Variants in CDH12 observed in about 807,000 individuals in gnomAD.
CDH12 encodes cadherin 12, also known as cadherin-12.
Under a neutral mutation model 74.1 loss-of-function variants are expected in CDH12, and 41 were observed. The observed-to-expected ratio is 0.55, with a 90% CI of 0.43 to 0.72. CDH12 has a LOEUF of 0.72. CDH12 is among the 30% of genes least tolerant of loss of function. The pLI is 0.00. For synonymous variants in CDH12, 399 were observed against 355.0 expected (o/e 1.12, Z -1.39); for missense variants, 945 against 977.2 (o/e 0.97, Z 0.44).
chr5:22,341,702 C>T (rs1739857042), intron 3 of CDH12, among the ~76,000 whole-genome samples: 1 of 152,116 alleles, frequency 6.6e-6, no homozygotes, highest in Admixed American at 6.5e-5. Flanking sequence ...TTTAGTCATG[C>T]AGCTCTTACC....
At chr5:22,070,671 C>T (rs1435946802) in intron 5 of CDH12, among the ~76,000 whole-genome samples, 3 of 152,126 alleles carry the variant, frequency 2.0e-5, no homozygotes, top group Admixed American at 6.6e-5. Context: ...ACTGCATGAA[C>T]CAATTTCTTA....
At chr5:22,354,607 A>T (rs1740486363) in intron 3 of CDH12, among the ~76,000 whole-genome samples, 1 of 152,158 alleles carries the variant, frequency 6.6e-6, no homozygotes, top group Non-Finnish European at 1.5e-5. Context: ...ATACTGGAGG[A>T]TCTGCTGGGG....
chr5:22,239,618 G>C (rs1428427530), intron 3 of CDH12, among the ~76,000 whole-genome samples: 1 of 152,156 alleles, frequency 6.6e-6, no homozygotes, highest in Non-Finnish European at 1.5e-5. Context: ...TAGATGGATA[G>C]AGAGACATTT....
intron 1 of CDH12, among the ~76,000 whole-genome samples, chr5:22,735,584 T>C (rs1244175931): frequency 6.6e-6 from 1 of 151,974 alleles, no homozygotes; most frequent in Non-Finnish European, 1.5e-5. Flanking sequence ...TAGTTTTCTA[T>C]ACATGTGTGT....
intron 6 of CDH12, among the ~76,000 whole-genome samples, chr5:21,928,029 G>A (rs946507600): frequency 6.6e-6 from 1 of 151,840 alleles, no homozygotes; most frequent in African/African-American, 2.4e-5. Context: ...CCCAGATCTC[G>A]CCACTGTGCT....
intron 3 of CDH12, among the ~76,000 whole-genome samples, chr5:22,220,297 T>C (rs1396661173): frequency 6.6e-6 from 1 of 151,738 alleles, no homozygotes; most frequent in Non-Finnish European, 1.5e-5. Flanking sequence ...GTGCATTGCA[T>C]CATTATTTAT....
intron 3 of CDH12, among the ~76,000 whole-genome samples, chr5:22,326,168 A>G (rs1739087528): frequency 6.6e-6 from 1 of 152,088 alleles, no homozygotes. Context: ...GCAAAACAAA[A>G]TTCATTCTCT....
intron 4 of CDH12, among the ~76,000 whole-genome samples, chr5:22,112,158 TG>T (rs1360193123): frequency 1.3e-5 from 2 of 152,044 alleles, no homozygotes; most frequent in African/African-American, 2.4e-5. Context: ...ATTTTGTAAT[TG>T]AAAAAAAACA....
At chr5:22,693,513 T>C (rs1319964985) in intron 1 of CDH12, among the ~76,000 whole-genome samples, 1 of 152,130 alleles carries the variant, frequency 6.6e-6, no homozygotes, top group Admixed American at 6.6e-5. Flanking sequence ...CCATTTTGTG[T>C]GCCTTTTCTT....
chr5:21,783,568 C>G (rs1746036990), intron 10 of CDH12, 74 bp from the exon 11 acceptor site: 1 of 1,116,966 alleles, frequency 9.0e-7, no homozygotes, highest in Admixed American at 2.0e-5. Context: ...GCTAACTTGA[C>G]ACAGTTCCTT....
At chr5:22,079,581 TAA>T (rs1742577555) in intron 4 of CDH12, among the ~76,000 whole-genome samples, 2 of 152,160 alleles carry the variant, frequency 1.3e-5, no homozygotes, top group African/African-American at 4.8e-5. Flanking sequence ...AAATTTTCTT[TAA>T]AAATGTTTCT....
chr5:22,034,876 C>G (rs1452492642), intron 5 of CDH12, among the ~76,000 whole-genome samples: 1 of 152,014 alleles, frequency 6.6e-6, no homozygotes, highest in East Asian at 1.9e-4. Context: ...TTTTGATGTC[C>G]TGAATAAGCA....
chr5:22,245,606 C>A (rs1752918145), intron 3 of CDH12, among the ~76,000 whole-genome samples: 1 of 151,750 alleles, frequency 6.6e-6, no homozygotes, highest in Admixed American at 6.6e-5. Context: ...GAACTACAGA[C>A]TTAAATATAT....
intron 1 of CDH12, among the ~76,000 whole-genome samples, chr5:22,667,813 C>T (rs553990301): frequency 6.6e-6 from 1 of 152,312 alleles, no homozygotes; most frequent in East Asian, 1.9e-4. Flanking sequence ...GTCTGATTTA[C>T]ATATTGACAA....
chr5:22,391,353 G>A (rs564545998), intron 3 of CDH12, among the ~76,000 whole-genome samples: 70 of 152,296 alleles, frequency 4.6e-4, no homozygotes, highest in African/African-American at 1.6e-3. Context: ...ATTGTCATCT[G>A]TTAGTAATGC....
At position 21,802,435 on chromosome 5, in the gene CDH12, A is replaced by C; in HGVS notation, c.1003-15T>G. The C allele has an allele frequency of 6.2e-7, 1 of 1,604,172 alleles. No individual in the cohort carries two copies. Among genetic ancestry groups the C allele is most frequent in the Non-Finnish European group, 8.5e-7 (1 of 1,171,532 alleles). ...AAATCTAAAGGCTGTAGTGAGGACA[A>C]ATTAAGAATAAGGAGTAAATTTATA... is the stretch of plus-strand genomic sequence containing the variant. On this transcript the variant is annotated splice_polypyrimidine_tract_variant and intron_variant, in intron 9 of 14. Transcript: ENST00000382254.
Position 22,788,394 on chromosome 5 carries a change from A to G in CDH12, c.-523+64664T>C, listed in dbSNP as rs565313290. On this transcript the variant is annotated intron_variant, in intron 1 of 14. Coordinates refer to ENST00000382254, the MANE Select transcript of CDH12 (RefSeq NM_004061.5). ...CATCTTTGTTTGCTTGGATGAGGGT[A>G]AGGGTAAGGGGTAAGGAGAGAAAGA... 3.0e-3 allele frequency among the ~76,000 whole-genome samples: 456 copies of G among 151,948 alleles called. 10 individuals are homozygous for G. Among genetic ancestry groups the G allele is most frequent in the East Asian group, 7.7e-4 (4 of 5,182 alleles).
intron 1 of CDH12, among the ~76,000 whole-genome samples, chr5:22,812,311 G>T (rs1047285760): frequency 3.3e-5 from 5 of 152,074 alleles, no homozygotes; most frequent in Non-Finnish European, 7.4e-5. Context: ...TTGAGGGAAG[G>T]CATAATACTT....
intron 3 of CDH12, among the ~76,000 whole-genome samples, chr5:22,375,924 A>T (rs929230038): frequency 7.9e-5 from 12 of 152,216 alleles, no homozygotes; most frequent in African/African-American, 2.9e-4. Context: ...AACTAAAAAT[A>T]AAACTACTGT....
Sources: gnomAD v4.1 joint callset for allele counts (sites outside exome capture counted in the v4.1 genomes callset) on GRCh38, gnomAD v4.1.1 for gene constraint, MANE v1.5 for transcripts, NCBI Gene and HGNC (gene_info 2026-07-23, HGNC 2026-07-21) for gene names.